PTPRT: variants seen among roughly 807,000 people sequenced by gnomAD.
PTPRT encodes the protein protein tyrosine phosphatase receptor type T.
In PTPRT, 56 loss-of-function variants were observed where a neutral mutation model predicts 176.8. That is an observed-to-expected ratio of 0.32 (90% CI 0.26 to 0.40). The LOEUF is 0.40. PTPRT is among the 10% of genes least tolerant of loss of function. The pLI, the probability that PTPRT is intolerant of heterozygous loss-of-function variation, is 1.00. For missense variants in PTPRT, 1,540 were observed against 1,908.2 expected (o/e 0.81, Z 3.60); for synonymous variants, 783 against 739.0 (o/e 1.06, Z -0.96).
chr20:42,304,703 G>A (rs2057518225), intron 12 of PTPRT, among the ~76,000 whole-genome samples: 1 of 152,176 alleles, frequency 6.6e-6, no homozygotes, highest in Non-Finnish European at 1.5e-5. Context: ...ATCCGTGAGT[G>A]CAAATGTCTC....
chr20:42,065,503 C>T, the PTPRT span, among the ~76,000 whole-genome samples: 1 of 152,234 alleles, frequency 6.6e-6, no homozygotes, highest in South Asian at 2.1e-4. Context: ...TCTGGGAGTC[C>T]AGTAACTCCC....
At chr20:42,956,125 C>A (rs1356300910) in intron 1 of PTPRT, among the ~76,000 whole-genome samples, 2 of 152,150 alleles carry the variant, frequency 1.3e-5, no homozygotes, top group Admixed American at 6.5e-5. Flanking sequence ...TCCATGCAGT[C>A]GTTGGAAAAG....
intron 1 of PTPRT, among the ~76,000 whole-genome samples, chr20:42,900,158 C>G (rs1419088615): frequency 6.6e-6 from 1 of 151,822 alleles, no homozygotes; most frequent in Non-Finnish European, 1.5e-5. Flanking sequence ...GGGGTGAGGT[C>G]ACATTCTGAG....
At chr20:42,441,164 C>T (rs149040885) in intron 9 of PTPRT, among the ~76,000 whole-genome samples, 30 of 152,150 alleles carry the variant, frequency 2.0e-4, no homozygotes, top group Non-Finnish European at 3.7e-4. Context: ...CTGGGTGATA[C>T]AAAAGTACAC....
chr20:42,778,860 A>G (rs377398898), intron 4 of PTPRT, among the ~76,000 whole-genome samples: 1 of 152,222 alleles, frequency 6.6e-6, no homozygotes, highest in East Asian at 1.9e-4. Flanking sequence ...TTCCCCAGGC[A>G]TGACTGAATG....
intron 1 of PTPRT, among the ~76,000 whole-genome samples, chr20:42,916,559 A>G (rs372412815): frequency 7.9e-5 from 12 of 152,158 alleles, no homozygotes; most frequent in Admixed American, 4.6e-4. Flanking sequence ...CACAATGGTT[A>G]AACTAGTTTA....
chr20:42,460,396 T>C (rs918632309), intron 8 of PTPRT, among the ~76,000 whole-genome samples: 2 of 152,202 alleles, frequency 1.3e-5, no homozygotes, highest in Non-Finnish European at 2.9e-5. Context: ...CCTGCTACAA[T>C]GGTGGCATCG....
chr20:42,102,000 G>C (rs1326975363), intron 26 of PTPRT, 124 bp downstream of exon 26: 1 of 1,169,220 alleles, frequency 8.6e-7, no homozygotes, highest in African/African-American at 1.5e-5. Context: ...CTTGGGACTA[G>C]TAGATCAGAA....
chr20:42,987,054 C>T (rs1190645098), intron 1 of PTPRT, among the ~76,000 whole-genome samples: 1 of 152,174 alleles, frequency 6.6e-6, no homozygotes, highest in Non-Finnish European at 1.5e-5. Context: ...GCACAAGAGG[C>T]CACAGAACTC....
At chr20:42,703,759 G>A (rs1007574442) in intron 6 of PTPRT, among the ~76,000 whole-genome samples, 1 of 152,190 alleles carries the variant, frequency 6.6e-6, no homozygotes, top group African/African-American at 2.4e-5. Flanking sequence ...CATCACGTGT[G>A]CCTTAGAGAG....
At chr20:42,638,506 C>A (rs1374526713) in intron 7 of PTPRT, among the ~76,000 whole-genome samples, 1 of 151,988 alleles carries the variant, frequency 6.6e-6, no homozygotes, top group Admixed American at 6.6e-5. Context: ...TAAAGTTGGG[C>A]CCAACAATGG....
chr20:42,703,889 A>C (rs929138880), intron 6 of PTPRT, among the ~76,000 whole-genome samples: 9 of 152,312 alleles, frequency 5.9e-5, no homozygotes, highest in African/African-American at 2.2e-4. Flanking sequence ...CCTATCAGCT[A>C]AAACTTGATG....
intron 1 of PTPRT, among the ~76,000 whole-genome samples, chr20:42,937,281 T>C (rs1980246523): frequency 6.6e-6 from 1 of 152,198 alleles, no homozygotes; most frequent in African/African-American, 2.4e-5. Context: ...CTGGGTGTCA[T>C]AGGATCTCTA....
chr20:42,280,596 A>C (rs1484824680), intron 13 of PTPRT, among the ~76,000 whole-genome samples: 1 of 151,844 alleles, frequency 6.6e-6, no homozygotes, highest in Non-Finnish European at 1.5e-5. Flanking sequence ...CTGCATACAC[A>C]CTCCATTCAC....
chr20:43,120,510 A>T (rs1000553622), intron 1 of PTPRT, among the ~76,000 whole-genome samples: 1 of 152,118 alleles, frequency 6.6e-6, no homozygotes, highest in Non-Finnish European at 1.5e-5. Flanking sequence ...TGACCTCGTG[A>T]TCCGCCCGCC....
intron 7 of PTPRT, among the ~76,000 whole-genome samples, chr20:42,570,226 C>T (rs1226390981): frequency 6.6e-6 from 1 of 152,164 alleles, no homozygotes; most frequent in East Asian, 1.9e-4. Flanking sequence ...TGGACAGATG[C>T]TGTACTGAGT....
At chr20:43,163,654 A>AAC (rs2014774910) in intron 1 of PTPRT, among the ~76,000 whole-genome samples, 1 of 117,122 alleles carries the variant, frequency 8.5e-6, no homozygotes, top group African/African-American at 3.3e-5. Context: ...AAAACAAAAC[A>AAC]AAAAAAAAAA....
chr20:42,516,410 A>G (rs1325243572), intron 7 of PTPRT, among the ~76,000 whole-genome samples: 1 of 152,136 alleles, frequency 6.6e-6, no homozygotes, highest in Non-Finnish European at 1.5e-5. Context: ...ATGACAGAGA[A>G]TGTATTCATT....
intron 11 of PTPRT, among the ~76,000 whole-genome samples, chr20:42,331,080 T>A (rs754031621): frequency 1.9e-4 from 29 of 152,202 alleles, no homozygotes; most frequent in Non-Finnish European, 3.2e-4. Flanking sequence ...TGTACCCTAG[T>A]GGAGAGCCAG....
Sources: gnomAD v4.1 joint callset for allele counts (sites outside exome capture counted in the v4.1 genomes callset) on GRCh38, gnomAD v4.1.1 for gene constraint, MANE v1.5 for transcripts, NCBI Gene and HGNC (gene_info 2026-07-23, HGNC 2026-07-21) for gene names.